The following FBXO17 variants were observed in gnomAD, a reference collection of about 807,000 sequenced individuals.
The protein encoded by FBXO17 is F-box protein 17, also known as F-box only protein 17.
In FBXO17, 43 loss-of-function variants were observed where a neutral mutation model predicts 34.1. That is an observed-to-expected ratio of 1.26 (90% CI 0.99 to 1.62). The LOEUF is 1.62. Among genes scored for constraint, FBXO17 ranks in the 40% most tolerant of loss-of-function variants. The pLI, the probability that FBXO17 is intolerant of heterozygous loss-of-function variation, is 0.00. For missense variants in FBXO17, 424 were observed against 386.7 expected (o/e 1.10, Z -0.81); for synonymous variants, 169 against 166.0 (o/e 1.02, Z -0.14).
intron 1 of FBXO17, among the ~76,000 whole-genome samples, chr19:38,954,903 TA>T (rs888062159): frequency 5.3e-5 from 2 of 37,706 alleles, no homozygotes; most frequent in Non-Finnish European, 1.2e-4. Flanking sequence ...ATTTTATTAT[TA>T]TTATTATTAT....
At chr19:38,949,538 T>G (rs1021835570) in intron 2 of FBXO17, among the ~76,000 whole-genome samples, 8 of 151,900 alleles carry the variant, frequency 5.3e-5, no homozygotes, top group African/African-American at 1.9e-4. Context: ...CCCACCATTT[T>G]TTTTTTTTTT....
chr19:38,969,176 C>T (rs1398162603), intron 1 of FBXO17, among the ~76,000 whole-genome samples: 1 of 152,030 alleles, frequency 6.6e-6, no homozygotes, highest in Non-Finnish European at 1.5e-5. Flanking sequence ...CAGCTGGGTG[C>T]GATGGCTCAC....
intron 2 of FBXO17, 42 bp downstream of exon 2, chr19:38,949,904 CCGGCCCCGCCCCCGCCTCGCTCGCG>C: frequency 6.9e-7 from 1 of 1,449,692 alleles, no homozygotes; most frequent in Non-Finnish European, 9.1e-7. Context: ...AGACTCTGTC[CCGGCCCCGCCCCCGCCTCGCTCGCG>C]CGGCCCCCCT....
chr19:38,949,958 C>G lies in FBXO17; in HGVS notation c.349+13G>C. On this transcript the variant is annotated intron_variant, in intron 2 of 5. Coordinates refer to ENST00000292852, the MANE Select transcript of FBXO17 (RefSeq NM_024907.7). ...CCCCCCTCAGCCTCCTGGGCCCCGC[C>G]CCCGTCACCCACGCTCTCCGCAGGA... 6.6e-7 allele frequency: 1 copy of G among 1,523,966 alleles called. No individual in the cohort carries two copies. The highest frequency in any genetic ancestry group is 8.8e-7 in the Non-Finnish European group (1 of 1,137,984). The allele number at this position is 1,523,966 out of a possible 1,614,324, so 94.4% of individuals were successfully genotyped here.
intron 1 of FBXO17, among the ~76,000 whole-genome samples, chr19:38,969,115 A>C (rs1315513650): frequency 6.6e-6 from 1 of 152,182 alleles, no homozygotes; most frequent in Non-Finnish European, 1.5e-5. Flanking sequence ...TAAATATGGA[A>C]ACAGAACAGA....
chr19:38,967,989 G>A (rs1213618797), intron 1 of FBXO17, among the ~76,000 whole-genome samples: 9 of 152,074 alleles, frequency 5.9e-5, no homozygotes, highest in Admixed American at 5.9e-4. Context: ...CTCAGGCATC[G>A]CTGGTGGGGA....
chr19:38,974,367 C>G (rs914062986), intron 1 of FBXO17, among the ~76,000 whole-genome samples: 2 of 150,986 alleles, frequency 1.3e-5, no homozygotes, highest in Non-Finnish European at 2.9e-5. Flanking sequence ...CGTGAGCCAC[C>G]GCGCACGCCC....
Position 38,945,079 on chromosome 19 carries a change from A to G in FBXO17, c.583T>C (p.Cys195Arg). The change falls in exon 5 of 6, where the codon TGC becomes CGC. Residue 195 changes from cysteine (C) to arginine (R), a missense_variant. By Grantham distance (180) the Cys-to-Arg change is radical. Transcript: ENST00000292852. ...DWWGARENCGCVYQLRVRLLD... is the reference protein window; with the variant it reads ...DWWGARENCGRVYQLRVRLLD... Reference sequence around the variant, plus strand: ...AGGCGGACCCGGAGCTGGTAGACGCAGCCGCAGTTCTCTCGAGCGCCCCAC... The same window carrying G: ...AGGCGGACCCGGAGCTGGTAGACGCGGCCGCAGTTCTCTCGAGCGCCCCAC... 1 of 1,614,210 alleles carries G rather than the reference A, an allele frequency of 6.2e-7. No homozygotes were observed. Among genetic ancestry groups the G allele is most frequent in the Admixed American group, 1.7e-5 (1 of 60,026 alleles).
chr19:38,972,610 ACTGTATACATGTCTT>A (rs1975404216), intron 1 of FBXO17, among the ~76,000 whole-genome samples: 1 of 151,254 alleles, frequency 6.6e-6, no homozygotes, highest in Non-Finnish European at 1.5e-5. Flanking sequence ...AGTTTGTGCT[ACTGTATACATGTCTT>A]CTGTCTCTTT....
chr19:38,955,251 C>A (rs1283083131), intron 1 of FBXO17, among the ~76,000 whole-genome samples: 2 of 151,784 alleles, frequency 1.3e-5, no homozygotes, highest in African/African-American at 4.8e-5. Context: ...ATTTTTGAGA[C>A]AGGGTCTTGC....
intron 1 of FBXO17, among the ~76,000 whole-genome samples, chr19:38,965,056 C>T (rs893657526): frequency 1.3e-5 from 2 of 152,070 alleles, no homozygotes; most frequent in Non-Finnish European, 2.9e-5. Context: ...AGTCACCCAG[C>T]CTCTTGTTTG....
Position 38,948,610 on chromosome 19 carries a change from C to A in FBXO17, c.418G>T (p.Val140Leu). Reference sequence around the variant, plus strand: ...CAGGTCTGCGAAGGAGCCCCAGGCACCGGTGTTAGGTTCTTTTCTATGGCC... The same window carrying A: ...CAGGTCTGCGAAGGAGCCCCAGGCAACGGTGTTAGGTTCTTTTCTATGGCC... ...GWAIEKNLTP[V>L]PGAPSQTCFV... The change falls in exon 3 of 6, where the codon GTG (valine) becomes TTG (leucine). Residue 140 changes from valine to leucine, a missense_variant. Physicochemically the swap from Val to Leu is conservative, Grantham distance 32. Coordinates refer to ENST00000292852, the MANE Select transcript of FBXO17 (RefSeq NM_024907.7). 1 of 1,614,174 alleles carries A rather than the reference C, an allele frequency of 6.2e-7. No individual in the cohort carries two copies. Among genetic ancestry groups the A allele is most frequent in the Non-Finnish European group, 8.5e-7 (1 of 1,180,030 alleles).
At chr19:38,954,918 T>G (rs1975144076) in intron 1 of FBXO17, among the ~76,000 whole-genome samples, 1 of 131,752 alleles carries the variant, frequency 7.6e-6, no homozygotes. Context: ...TTATTATTAT[T>G]ATTATTATTA....
In FBXO17 at chr19:38,974,031, T is replaced by TATATAC. The variant is rs1346260027; in HGVS notation, c.-18+1554_-18+1555insGTATAT. ...AAATATATATGTGTATATATATATA[T>TATATAC]ACATATATATATATACACATATATA... On this transcript the variant is annotated intron_variant, in intron 1 of 5. Coordinates refer to ENST00000292852, the MANE Select transcript of FBXO17 (RefSeq NM_024907.7). Among the ~76,000 whole-genome samples the TATATAC allele has an allele frequency of 3.2e-4, 39 of 122,956 alleles. 1 individual carries two copies. Among genetic ancestry groups the TATATAC allele is most frequent in the African/African-American group, 1.1e-3 (39 of 35,618 alleles). The allele number at this position is 122,956 out of a possible 152,430, so 80.7% of individuals were successfully genotyped here. A position where few individuals can be genotyped will look rare whatever the true frequency, so the allele number is the denominator to read the frequency against.
chr19:38,953,605 G>A (rs1975118890), intron 1 of FBXO17, among the ~76,000 whole-genome samples: 1 of 152,064 alleles, frequency 6.6e-6, no homozygotes, highest in Non-Finnish European at 1.5e-5. Context: ...AGGTTGCAAT[G>A]AGCTGAGATC....
intron 1 of FBXO17, among the ~76,000 whole-genome samples, chr19:38,972,888 T>C (rs958258027): frequency 2.6e-5 from 4 of 151,938 alleles, no homozygotes. Flanking sequence ...GCCTCCTAAG[T>C]AGCTGGGATT....
rs79997567 is a variant in FBXO17, at chr19:38,968,740, G to A, written c.-18+6846C>T. Among the ~76,000 whole-genome samples the A allele has an allele frequency of 2.0e-3, 307 of 152,222 alleles. 4 individuals are homozygous for A. In the East Asian group the frequency reaches 0.048, roughly 24 times the overall value. ...TTAAGCAGTAAAAAGGAATAAACAT[G>A]CTATAGTATGAATAAACTCCAAAGC... On this transcript the variant is annotated intron_variant, in intron 1 of 5. Transcript: ENST00000292852.
chr19:38,943,937 C>T (rs1974932851), intron 5 of FBXO17, among the ~76,000 whole-genome samples: 1 of 152,164 alleles, frequency 6.6e-6, no homozygotes, highest in Admixed American at 6.6e-5. Context: ...TTAGTTGATT[C>T]ACGATATTAT....
intron 1 of FBXO17, among the ~76,000 whole-genome samples, chr19:38,972,759 C>T (rs560957418): frequency 1.3e-5 from 2 of 152,080 alleles, no homozygotes; most frequent in South Asian, 2.1e-4. Context: ...GCCATATTTG[C>T]ACTCTCTCTT....
Sources: gnomAD v4.1 joint callset for allele counts (sites outside exome capture counted in the v4.1 genomes callset) on GRCh38, gnomAD v4.1.1 for gene constraint, MANE v1.5 for transcripts, NCBI Gene and HGNC (gene_info 2026-07-23, HGNC 2026-07-21) for gene names.